SMIM35: variants seen among roughly 807,000 people sequenced by gnomAD.
SMIM35 encodes TMPRSS4 antisense RNA 1 (non-protein coding).
At chr11:118,080,899 C>A (rs934532761) in intron 1 of SMIM35, among the ~76,000 whole-genome samples, 1 of 152,180 alleles carries the variant, frequency 6.6e-6, no homozygotes, top group Non-Finnish European at 1.5e-5. Flanking sequence ...CTCAGTAAAA[C>A]GCTTCAAGTT....
At chr11:118,021,890 C>G (rs2135036050) in intron 1 of SMIM35, among the ~76,000 whole-genome samples, 1 of 152,294 alleles carries the variant, frequency 6.6e-6, no homozygotes, top group East Asian at 1.9e-4. Flanking sequence ...ATATAGAGGA[C>G]ACAAACAACA....
chr11:118,022,835 C>T lies in SMIM35; in HGVS notation c.8-7026G>A, dbSNP rs762424914. 1.0e-3 allele frequency among the ~76,000 whole-genome samples: 157 copies of T among 151,940 alleles called. 2 individuals are homozygous for T. Among genetic ancestry groups the T allele is most frequent in the Non-Finnish European group, 5.0e-4 (34 of 67,986 alleles). On this transcript the variant is annotated intron_variant, in intron 1 of 4. Coordinates refer to ENST00000689828, the MANE Select transcript of SMIM35 (RefSeq NM_001394165.1). ...TCCCATAAACCAGACTAGAAAAACT[C>T]GTAATTCACAGGGTATTGGATAGGG...
intron 4 of SMIM35, among the ~76,000 whole-genome samples, chr11:118,009,194 G>A (rs1409503277): frequency 3.9e-5 from 6 of 152,134 alleles, no homozygotes; most frequent in African/African-American, 9.7e-5. Context: ...GCTCCTGAGC[G>A]CCCTTCTCAC....
chr11:118,044,800 CTA>C (rs368926951), intron 1 of SMIM35, among the ~76,000 whole-genome samples: 36,850 of 138,268 alleles, frequency 0.27, 5,447 homozygotes, highest in South Asian at 0.29. Context: ...GTTCATTCTA[CTA>C]AAAAAAAAAC....
rs144679310 is a variant in SMIM35, at chr11:118,074,636, A to G, written c.7+12115T>C. Among the ~76,000 whole-genome samples the G allele has an allele frequency of 3.2e-4, 49 of 152,014 alleles. 1 individual carries two copies. The East Asian group carries it at 9.3e-3, about 29-fold the overall frequency. On this transcript the variant is annotated intron_variant, in intron 1 of 4. Coordinates refer to ENST00000689828, the MANE Select transcript of SMIM35 (RefSeq NM_001394165.1). Reference sequence around the variant, plus strand: ...GTGGCTCACACCTGTAATCCCAGCTACTTGGGGGACTGAGGCGGGGGAATC... The same window carrying G: ...GTGGCTCACACCTGTAATCCCAGCTGCTTGGGGGACTGAGGCGGGGGAATC...
At chr11:118,042,695 C>T (rs927836699) in intron 1 of SMIM35, among the ~76,000 whole-genome samples, 10 of 152,034 alleles carry the variant, frequency 6.6e-5, no homozygotes, top group East Asian at 3.8e-4. Flanking sequence ...TGAATATGGA[C>T]GCAAAAATCC....
chr11:118,081,053 C>T (rs141210572), intron 1 of SMIM35, among the ~76,000 whole-genome samples: 1 of 152,310 alleles, frequency 6.6e-6, no homozygotes, highest in East Asian at 1.9e-4. Context: ...AGCCGCAAAC[C>T]TAGCACAGGG....
At chr11:118,067,726 G>A (rs971803147) in intron 1 of SMIM35, among the ~76,000 whole-genome samples, 17 of 151,216 alleles carry the variant, frequency 1.1e-4, no homozygotes, top group African/African-American at 3.7e-4. Context: ...CAACTTCTCG[G>A]GAGGCTGAGG....
At chr11:118,040,616 C>A (rs1286855667) in intron 1 of SMIM35, among the ~76,000 whole-genome samples, 3 of 151,818 alleles carry the variant, frequency 2.0e-5, no homozygotes, top group Admixed American at 6.6e-5. Context: ...AGGCTAAAAG[C>A]AAATGATCTC....
chr11:118,072,436 G>A (rs970575071), intron 1 of SMIM35, among the ~76,000 whole-genome samples: 2 of 152,140 alleles, frequency 1.3e-5, no homozygotes, highest in South Asian at 2.1e-4. Flanking sequence ...TGCAGTGAGC[G>A]GAGATCGTGA....
In SMIM35 at chr11:118,048,586, GAAGGAAGGAAGC is replaced by G. The variant is rs1440218468; in HGVS notation, c.8-32789_8-32778del. ...GGAAGGAAGGAAGGAAGGAAGGAAGGAAGGAAGGAAGCAAGGAAGCAAGGAAGCAAGGAAGGA... is the reference window on the plus strand; with the variant it reads ...GGAAGGAAGGAAGGAAGGAAGGAAGGAAGGAAGCAAGGAAGCAAGGAAGGA... On this transcript the variant is annotated intron_variant, in intron 1 of 4. Coordinates refer to ENST00000689828, the MANE Select transcript of SMIM35 (RefSeq NM_001394165.1). Among the ~76,000 whole-genome samples, 482 of 125,756 alleles carry G rather than the reference GAAGGAAGGAAGC, an allele frequency of 3.8e-3. 4 individuals carry two copies. Among genetic ancestry groups the G allele is most frequent in the African/African-American group, 0.012 (444 of 36,108 alleles). 82.5% of individuals were successfully genotyped at this position (125,756 alleles called of 152,430 possible).
At chr11:118,058,041 A>G (rs1944342099) in intron 1 of SMIM35, among the ~76,000 whole-genome samples, 1 of 152,050 alleles carries the variant, frequency 6.6e-6, no homozygotes, top group African/African-American at 2.4e-5. Flanking sequence ...AGGGGATTAA[A>G]CTCTGTTGAC....
intron 1 of SMIM35, among the ~76,000 whole-genome samples, chr11:118,081,629 G>A (rs1041053582): frequency 1.2e-4 from 19 of 152,226 alleles, no homozygotes; most frequent in Non-Finnish European, 5.9e-5. Context: ...GGTGGCAGTC[G>A]CGTCTCCTGT....
intron 1 of SMIM35, among the ~76,000 whole-genome samples, chr11:118,084,947 G>A (rs1945428682): frequency 6.6e-6 from 1 of 152,246 alleles, no homozygotes; most frequent in Admixed American, 6.5e-5. Flanking sequence ...TCTGATCAAG[G>A]CAGCTGAGAC....
At position 118,014,676 on chromosome 11, in the gene SMIM35, A is replaced by C; in HGVS notation, c.158+32T>G. On this transcript the variant is annotated intron_variant, in intron 3 of 4. Coordinates refer to ENST00000689828, the MANE Select transcript of SMIM35 (RefSeq NM_001394165.1). ...TCCATTATATCTACCCCCAACCCCC[A>C]CCTCACCCAGATATTCCCTGAATTT... 3 of 398,828 alleles carry C rather than the reference A, an allele frequency of 7.5e-6. No homozygotes were observed. In the Admixed American group the frequency reaches 1.3e-4, roughly 18 times the overall value. 24.7% of individuals were successfully genotyped at this position (398,828 alleles called of 1,614,324 possible). A position where few individuals can be genotyped will look rare whatever the true frequency, so the allele number is the denominator to read the frequency against.
At chr11:118,049,394 G>T (rs1009778004) in intron 1 of SMIM35, among the ~76,000 whole-genome samples, 3 of 136,034 alleles carry the variant, frequency 2.2e-5, no homozygotes, top group African/African-American at 8.7e-5. Flanking sequence ...TGTCACCCAG[G>T]CTGGAGTGCA....
intron 1 of SMIM35, among the ~76,000 whole-genome samples, chr11:118,072,254 C>T (rs1247886849): frequency 6.6e-6 from 1 of 152,124 alleles, no homozygotes; most frequent in East Asian, 1.9e-4. Context: ...CTTTGGGAGG[C>T]CAAGGTGGGT....
At chr11:118,036,328 G>A (rs1190404003) in intron 1 of SMIM35, among the ~76,000 whole-genome samples, 2 of 152,240 alleles carry the variant, frequency 1.3e-5, no homozygotes, top group African/African-American at 4.8e-5. Flanking sequence ...TGGTGAGTCT[G>A]ACACTTGGTG....
chr11:118,038,980 A>T (rs1053479592), intron 1 of SMIM35, among the ~76,000 whole-genome samples: 1 of 152,086 alleles, frequency 6.6e-6, no homozygotes, highest in South Asian at 2.1e-4. Flanking sequence ...GCACAGAGAG[A>T]AAGGGGCATG....
Sources: gnomAD v4.1 joint callset for allele counts (sites outside exome capture counted in the v4.1 genomes callset) on GRCh38, gnomAD v4.1.1 for gene constraint, MANE v1.5 for transcripts, NCBI Gene and HGNC (gene_info 2026-07-23, HGNC 2026-07-21) for gene names.